LAMA2: variants seen among roughly 807,000 people sequenced by gnomAD.
LAMA2 encodes laminin subunit alpha 2.
LAMA2 carries 269 observed loss-of-function variants against 364.8 expected under a neutral mutation model. The ratio of observed to expected loss-of-function variants is 0.74; its 90% confidence interval spans 0.67 to 0.82. LAMA2 has a LOEUF of 0.82. Ranked by LOEUF, LAMA2 falls within the 40% of genes least tolerant of loss-of-function variation. The probability of loss-of-function intolerance (pLI) is 0.00; values close to 1 mark genes in which losing one functional copy is unlikely to be tolerated. For missense variants in LAMA2, 3,807 were observed against 3,873.2 expected (o/e 0.98, Z 0.45); for synonymous variants, 1,379 against 1,370.6 (o/e 1.01, Z -0.14).
At chr6:129,018,429 C>T (rs1048044763) in intron 1 of LAMA2, among the ~76,000 whole-genome samples, 9 of 149,510 alleles carry the variant, frequency 6.0e-5, no homozygotes, top group Admixed American at 2.7e-4. Context: ...AAAAGTGATA[C>T]GAAAGTCAAA....
intron 61 of LAMA2, among the ~76,000 whole-genome samples, chr6:129,506,170 T>C (rs1786057368): frequency 1.3e-5 from 2 of 151,610 alleles, no homozygotes; most frequent in African/African-American, 2.4e-5. Context: ...CTGGCCATCA[T>C]AGCAAAACCC....
At chr6:129,371,212 G>A (rs527590756) in intron 34 of LAMA2, among the ~76,000 whole-genome samples, 12 of 151,536 alleles carry the variant, frequency 7.9e-5, no homozygotes, top group African/African-American at 2.9e-4. Flanking sequence ...TGAAAAATAT[G>A]AATGAGGCTC....
chr6:129,216,992 C>T (rs1783466382), intron 12 of LAMA2, among the ~76,000 whole-genome samples: 1 of 151,868 alleles, frequency 6.6e-6, no homozygotes, highest in Non-Finnish European at 1.5e-5. Context: ...AGATCAAGAC[C>T]ATCCTGGCCA....
At chr6:129,268,091 C>T (rs938560438) in intron 16 of LAMA2, among the ~76,000 whole-genome samples, 3 of 152,064 alleles carry the variant, frequency 2.0e-5, no homozygotes, top group Non-Finnish European at 4.4e-5. Context: ...CCCCATTTCT[C>T]TTCTACTTAA....
At chr6:128,993,002 C>T (rs1442040182) in intron 1 of LAMA2, among the ~76,000 whole-genome samples, 1 of 152,128 alleles carries the variant, frequency 6.6e-6, no homozygotes, top group Non-Finnish European at 1.5e-5. Flanking sequence ...ATATTTTGGG[C>T]TATTATATGC....
intron 8 of LAMA2, among the ~76,000 whole-genome samples, chr6:129,154,988 G>A (rs1019994853): frequency 1.8e-4 from 28 of 152,156 alleles, no homozygotes; most frequent in Non-Finnish European, 3.4e-4. Flanking sequence ...TCATAAAAAT[G>A]AAATCATACA....
chr6:128,883,251 G>A lies in LAMA2; in HGVS notation c.6G>A (p.Pro2=), dbSNP rs1775908232. Residue 2 remains proline, a synonymous_variant, in exon 1 of 65, where the codon CCG becomes CCA. Coordinates refer to ENST00000421865, the MANE Select transcript of LAMA2 (RefSeq NM_000426.4). M[P]GAAGVLLLLL... is the part of the protein sequence containing the mutation. ...ATCCGGTCGCGGCCACTACGATGCCGGGAGCCGCCGGGGTCCTCCTCCTTC... is the reference window on the plus strand; with the variant it reads ...ATCCGGTCGCGGCCACTACGATGCCAGGAGCCGCCGGGGTCCTCCTCCTTC... 1.3e-6 allele frequency: 2 copies of A among 1,553,282 alleles called. No individual in the cohort carries two copies. The highest frequency in any genetic ancestry group is 1.4e-5 in the African/African-American group (1 of 73,490).
In LAMA2 at chr6:129,190,233, G is replaced by A. The variant is rs752075358; in HGVS notation, c.1496G>A (p.Arg499His). The A allele has an allele frequency of 4.3e-5, 70 of 1,613,414 alleles. No homozygotes were observed. Among genetic ancestry groups the A allele is most frequent in the African/African-American group, 5.3e-5 (4 of 74,908 alleles). Reference protein sequence around the residue: ...KENVEGGDCSRCKSGFFNLQE... With the variant: ...KENVEGGDCSHCKSGFFNLQE... Reference sequence around the variant, plus strand: ...AATGTTGAAGGAGGAGACTGTAGTCGTTGCAAATCCGGCTTCTTCAATTTG... The same window carrying A: ...AATGTTGAAGGAGGAGACTGTAGTCATTGCAAATCCGGCTTCTTCAATTTG... Residue 499 changes from arginine to histidine, a missense_variant, in exon 11 of 65, where the codon CGT becomes CAT. By Grantham distance (29) the Arg-to-His change is conservative. Coordinates refer to ENST00000421865, the MANE Select transcript of LAMA2 (RefSeq NM_000426.4).
At chr6:129,136,945 A>G (rs991829753) in intron 4 of LAMA2, among the ~76,000 whole-genome samples, 6 of 152,156 alleles carry the variant, frequency 3.9e-5, no homozygotes, top group Admixed American at 3.9e-4. Flanking sequence ...TTCAGTTATT[A>G]TGGGTTACAG....
chr6:129,097,030 C>T (rs933858576), intron 3 of LAMA2, among the ~76,000 whole-genome samples: 1 of 152,174 alleles, frequency 6.6e-6, no homozygotes, highest in African/African-American at 2.4e-5. Context: ...TCAGGATTCC[C>T]TCTGTAGCTC....
chr6:128,936,385 C>T (rs563379031), intron 1 of LAMA2, among the ~76,000 whole-genome samples: 5 of 152,188 alleles, frequency 3.3e-5, no homozygotes, highest in African/African-American at 1.2e-4. Flanking sequence ...TTTATCATGA[C>T]AGGATGTTGA....
At chr6:129,084,043 A>C (rs1017598338) in intron 3 of LAMA2, among the ~76,000 whole-genome samples, 27 of 152,234 alleles carry the variant, frequency 1.8e-4, no homozygotes, top group African/African-American at 6.0e-4. Context: ...CGGCACAATA[A>C]GCAATGTGTT....
chr6:129,464,182 T>G (rs968594290), intron 49 of LAMA2, 108 bp from the exon 50 acceptor site: 11 of 958,772 alleles, frequency 1.1e-5, no homozygotes, highest in South Asian at 5.2e-5. Flanking sequence ...ATTTAGGGTA[T>G]TTCCTGCCCT....
chr6:129,462,428 A>T (rs900694650), intron 49 of LAMA2, among the ~76,000 whole-genome samples: 1 of 151,910 alleles, frequency 6.6e-6, no homozygotes, highest in Admixed American at 6.6e-5. Flanking sequence ...TTCGTGGCCC[A>T]CGTCTTTTCC....
intron 1 of LAMA2, among the ~76,000 whole-genome samples, chr6:128,911,708 A>T (rs889071337): frequency 6.6e-6 from 1 of 152,170 alleles, no homozygotes; most frequent in Non-Finnish European, 1.5e-5. Context: ...ACACATAAGA[A>T]ATGTATGTGA....
At chr6:129,394,992 A>G (rs1005224836) in intron 37 of LAMA2, among the ~76,000 whole-genome samples, 25 of 152,244 alleles carry the variant, frequency 1.6e-4, no homozygotes, top group African/African-American at 6.0e-4. Context: ...CAATATGAAT[A>G]AGGCATAGAT....
intron 18 of LAMA2, among the ~76,000 whole-genome samples, chr6:129,282,284 A>T (rs796830101): frequency 1.4e-4 from 22 of 152,310 alleles, no homozygotes; most frequent in African/African-American, 5.3e-4. Flanking sequence ...ATGTGGCCAT[A>T]AACCCTCTGC....
intron 1 of LAMA2, among the ~76,000 whole-genome samples, chr6:128,935,227 C>G (rs573669951): frequency 6.6e-6 from 1 of 150,724 alleles, no homozygotes; most frequent in Non-Finnish European, 1.5e-5. Context: ...CCACACCCCC[C>G]CCAACAGACC....
At chr6:128,953,654 G>A (rs146567983) in intron 1 of LAMA2, among the ~76,000 whole-genome samples, 66 of 151,794 alleles carry the variant, frequency 4.3e-4, no homozygotes, top group Non-Finnish European at 7.7e-4. Context: ...TATGTATGGT[G>A]TTTGTGTGAG....
Sources: gnomAD v4.1 joint callset for allele counts (sites outside exome capture counted in the v4.1 genomes callset) on GRCh38, gnomAD v4.1.1 for gene constraint, MANE v1.5 for transcripts, NCBI Gene and HGNC (gene_info 2026-07-23, HGNC 2026-07-21) for gene names.